The following SPINK2 variants were observed in gnomAD, a reference collection of about 807,000 sequenced individuals.
SPINK2 encodes serine protease inhibitor Kazal-type 2.
A neutral mutation model predicts 13.5 loss-of-function variants in SPINK2; 8 were observed. That is an observed-to-expected ratio of 0.59 (90% confidence interval 0.35 to 1.07). The LOEUF (loss-of-function observed/expected upper bound fraction) is 1.07. Among genes scored for constraint, SPINK2 ranks in the 50% least tolerant of loss-of-function variants. The pLI, the probability that SPINK2 is intolerant of heterozygous loss-of-function variation, is 0.02. For synonymous variants in SPINK2, 76 were observed against 74.7 expected (o/e 1.02, Z -0.09); for missense variants, 148 against 180.3 (o/e 0.82, Z 1.03).
In SPINK2 at chr4:56,810,068, A is replaced by C; in HGVS notation, c.*71T>G. ...TAAAGAAACACAGGAAAAGAGAAAA[A>C]GGGGAAATGCAATTTATCTAGTCTG... On this transcript the variant is annotated 3_prime_UTR_variant, in exon 4 of 4. Transcript: ENST00000506738. 6.5e-7 allele frequency: 1 copy of C among 1,542,434 alleles called. No individual in the cohort carries two copies. Among genetic ancestry groups the C allele is most frequent in the Non-Finnish European group, 8.7e-7 (1 of 1,146,136 alleles).
At chr4:56,811,282 C>G (rs1387352217) in intron 3 of SPINK2, among the ~76,000 whole-genome samples, 1 of 152,032 alleles carries the variant, frequency 6.6e-6, no homozygotes, top group African/African-American at 2.4e-5. Flanking sequence ...TTCTTACATC[C>G]AAGAAAATTG....
At chr4:56,818,254 G>A (rs1717623981) in intron 2 of SPINK2, 1 of 152,200 alleles carries the variant, frequency 6.6e-6, no homozygotes, top group South Asian at 2.1e-4. Flanking sequence ...AATAGAAAAG[G>A]AACAGAGAAA....
At chr4:56,816,335 A>G (rs1717445535) in intron 2 of SPINK2, among the ~76,000 whole-genome samples, 2 of 151,988 alleles carry the variant, frequency 1.3e-5, no homozygotes, top group African/African-American at 2.4e-5. Context: ...AGCCTGGCCA[A>G]CATGGTGAAA....
At chr4:56,815,790 A>ACACACT (rs1209609315) in intron 2 of SPINK2, among the ~76,000 whole-genome samples, 9 of 147,596 alleles carry the variant, frequency 6.1e-5, no homozygotes, top group Non-Finnish European at 9.0e-5. Flanking sequence ...ACACACACAC[A>ACACACT]CACACACAAA....
chr4:56,821,840 A>AGCGGCGGGAAGAGGT (rs1243093255), upstream of SPINK2: 13 of 592,090 alleles, frequency 2.2e-5, no homozygotes, highest in Non-Finnish European at 3.2e-5. Context: ...CGGGAAGAGG[A>AGCGGCGGGAAGAGGT]GCCGTGAAGG....
chr4:56,809,954 A>C lies in SPINK2; in HGVS notation c.*185T>G, dbSNP rs1716841990. On this transcript the variant is annotated 3_prime_UTR_variant, in exon 4 of 4. Transcript: ENST00000506738. Reference sequence around the variant, plus strand: ...CTCCAGGAGCAAAAGCCAAGAAACAAGGATTCTTTTTTTCTTTAAATTATC... The same window carrying C: ...CTCCAGGAGCAAAAGCCAAGAAACACGGATTCTTTTTTTCTTTAAATTATC... 6.9e-7 allele frequency: 1 copy of C among 1,459,226 alleles called. No individual in the cohort carries two copies. 90.4% of individuals were successfully genotyped at this position (1,459,226 alleles called of 1,614,324 possible). A position where few individuals can be genotyped will look rare whatever the true frequency, so the allele number is the denominator to read the frequency against.
chr4:56,814,960 C>CA (rs5858398), intron 2 of SPINK2, among the ~76,000 whole-genome samples: 408 of 102,240 alleles, frequency 4.0e-3, no homozygotes, highest in Middle Eastern at 6.2e-3. Context: ...GACTCCGTCT[C>CA]AAAAAAAAAA....
At chr4:56,811,393 T>G (rs1578423845) in intron 3 of SPINK2, among the ~76,000 whole-genome samples, 1 of 151,804 alleles carries the variant, frequency 6.6e-6, no homozygotes, top group East Asian at 1.9e-4. Flanking sequence ...CCAAGGCGGG[T>G]GGATCACTTG....
In SPINK2 at chr4:56,812,654, T is replaced by C. The variant is rs188414307; in HGVS notation, c.250-860A>G. 2.1e-3 allele frequency among the ~76,000 whole-genome samples: 297 copies of C among 143,582 alleles called. 2 individuals are homozygous for C. Among genetic ancestry groups the C allele is most frequent in the Admixed American group, 3.6e-3 (51 of 14,358 alleles). 94.2% of individuals were successfully genotyped at this position (143,582 alleles called of 152,430 possible). The stretch of plus-strand genomic sequence containing the variant: ...CAAGTCTAAGACATGCCACCACACC[T>C]ACTTTTTTATTATCTAGCTTCATAA... On this transcript the variant is annotated intron_variant, in intron 2 of 3. Coordinates refer to ENST00000506738, the MANE Select transcript of SPINK2 (RefSeq NM_001271718.2).
chr4:56,812,000 C>T lies in SPINK2; in HGVS notation c.250-206G>A, dbSNP rs1368387386. 5.5e-5 allele frequency among the ~76,000 whole-genome samples: 8 copies of T among 145,518 alleles called. No individual in the cohort carries two copies. In the South Asian group the frequency reaches 1.3e-3, roughly 24 times the overall value. ...GCAACCTCCACCTCCTGGGCTCAAG[C>T]GATTCTCCTGCCTCAGCCTCCCAAG... On this transcript the variant is annotated intron_variant, in intron 2 of 3. Coordinates refer to ENST00000506738, the MANE Select transcript of SPINK2 (RefSeq NM_001271718.2).
intron 2 of SPINK2, among the ~76,000 whole-genome samples, chr4:56,817,177 G>A (rs1717523783): frequency 6.6e-6 from 1 of 152,144 alleles, no homozygotes; most frequent in Admixed American, 6.6e-5. Context: ...ACTCCAGCCT[G>A]AGCGATAGAG....
chr4:56,812,892 G>C (rs1717114977), intron 2 of SPINK2, among the ~76,000 whole-genome samples: 1 of 152,158 alleles, frequency 6.6e-6, no homozygotes, highest in African/African-American at 2.4e-5. Flanking sequence ...ATCATCTATG[G>C]AGACTCCAAA....
chr4:56,812,563 CAAAAAAA>C (rs57162077), intron 2 of SPINK2, among the ~76,000 whole-genome samples: 2 of 16,366 alleles, frequency 1.2e-4, no homozygotes, highest in Non-Finnish European at 2.4e-4. Flanking sequence ...AACTCCATCT[CAAAAAAA>C]AAAAAAAAAA....
chr4:56,821,641 A>G lies in SPINK2; in HGVS notation c.22T>C (p.Leu8=). ...GTAACTGCCAGGAGCAGCAGCGCCAAGCGCAGCACCGACAGCGCCATCCTC... is the reference window on the plus strand; with the variant it reads ...GTAACTGCCAGGAGCAGCAGCGCCAGGCGCAGCACCGACAGCGCCATCCTC... MALSVLR[L]ALLLLAVTFA... The change falls in exon 1 of 4, where the codon TTG becomes CTG. Residue 8 remains leucine, a synonymous_variant. Transcript: ENST00000506738. The G allele has an allele frequency of 1.3e-6, 2 of 1,545,094 alleles. No homozygotes were observed. The highest frequency in any genetic ancestry group is 1.7e-6 in the Non-Finnish European group (2 of 1,146,270).
rs1373581244 is a variant in SPINK2 at position 56,819,822 on chromosome 4, A to G, written c.249+714T>C. Among the ~76,000 whole-genome samples, 3 of 152,106 alleles carry G rather than the reference A, an allele frequency of 2.0e-5. No homozygotes were observed. In the East Asian group the frequency reaches 5.8e-4, roughly 29 times the overall value. ...AGTACAGACGGGGTTTCACCATGTT[A>G]GCCAGCATGGTCTTGATTTCCTGAC... On this transcript the variant is annotated intron_variant, in intron 2 of 3. Transcript: ENST00000506738.
intron 2 of SPINK2, 99 bp from the exon 3 acceptor site, chr4:56,811,893 G>T: frequency 1.1e-4 from 39 of 355,692 alleles, no homozygotes; most frequent in Non-Finnish European, 1.4e-4. Flanking sequence ...AGATTTCCTA[G>T]AATCATTTAA....
intron 2 of SPINK2, among the ~76,000 whole-genome samples, chr4:56,814,593 A>G (rs922254001): frequency 9.2e-5 from 14 of 151,972 alleles, no homozygotes; most frequent in African/African-American, 3.4e-4. Context: ...GCAAAGGCAC[A>G]GTGGCAAGAG....
At chr4:56,813,960 G>A (rs1301036820) in intron 2 of SPINK2, among the ~76,000 whole-genome samples, 13 of 117,174 alleles carry the variant, frequency 1.1e-4, no homozygotes, top group African/African-American at 4.4e-4. Flanking sequence ...GTCTCACTCT[G>A]TCGCCCAGGC....
intron 2 of SPINK2, among the ~76,000 whole-genome samples, chr4:56,812,399 T>C (rs1717064201): frequency 1.3e-5 from 2 of 149,802 alleles, no homozygotes; most frequent in African/African-American, 4.9e-5. Context: ...TACTAAAAAA[T>C]AAAAAATTAG....
Sources: gnomAD v4.1 joint callset for allele counts (sites outside exome capture counted in the v4.1 genomes callset) on GRCh38, gnomAD v4.1.1 for gene constraint, MANE v1.5 for transcripts, NCBI Gene and HGNC (gene_info 2026-07-23, HGNC 2026-07-21) for gene names.